The following AAK1 variants were observed in gnomAD, a reference collection of about 807,000 sequenced individuals.
AAK1 encodes the protein AP2 associated kinase 1.
Under a neutral mutation model 116.0 loss-of-function variants are expected in AAK1, and 37 were observed. The observed-to-expected ratio is 0.32, with a 90% CI of 0.25 to 0.42. The LOEUF (loss-of-function observed/expected upper bound fraction) is 0.42, where lower values mean the gene tolerates loss of function less well. AAK1 is among the 10% of genes least tolerant of loss of function. The pLI is 1.00. For missense variants in AAK1, 919 were observed against 1,170.6 expected, an observed-to-expected ratio of 0.79 and a Z score of 3.14; for synonymous variants, 458 against 439.9, an observed-to-expected ratio of 1.04 and a Z score of -0.51.
intron 17 of AAK1, among the ~76,000 whole-genome samples, chr2:69,493,438 G>A (rs1483710535): frequency 6.6e-6 from 1 of 152,064 alleles, no homozygotes; most frequent in Non-Finnish European, 1.5e-5. Flanking sequence ...GGACTGGCTG[G>A]GAGTTGGCAG....
chr2:69,630,348 G>GA (rs1399257321), intron 2 of AAK1, among the ~76,000 whole-genome samples: 1 of 132,022 alleles, frequency 7.6e-6, no homozygotes, highest in African/African-American at 2.7e-5. Flanking sequence ...GGTGGGGGGG[G>GA]AGGGGGAGGG....
intron 2 of AAK1, among the ~76,000 whole-genome samples, chr2:69,632,659 G>C (rs1001871796): frequency 6.6e-6 from 1 of 152,214 alleles, no homozygotes; most frequent in African/African-American, 2.4e-5. Context: ...AACACTTTGG[G>C]AGACCAAGGC....
At chr2:69,632,631 G>A (rs555592422) in intron 2 of AAK1, among the ~76,000 whole-genome samples, 94 of 152,314 alleles carry the variant, frequency 6.2e-4, no homozygotes, top group African/African-American at 2.2e-3. Flanking sequence ...AGGCGCGATG[G>A]CTCACGCCTG....
chr2:69,520,799 G>C, intron 11 of AAK1, 35 bp downstream of exon 11: 1 of 1,522,816 alleles, frequency 6.6e-7, no homozygotes, highest in Non-Finnish European at 8.8e-7. Flanking sequence ...ATAACAAAGA[G>C]GTGTATTGAG....
chr2:69,509,239 A>C lies in AAK1; in HGVS notation c.1998T>G (p.Asn666Lys). The C allele has an allele frequency of 1.9e-6, 3 of 1,614,002 alleles. No individual in the cohort carries two copies. The highest frequency in any genetic ancestry group is 2.5e-6 in the Non-Finnish European group (3 of 1,179,856). ...GAGGAAGCACCACATACTTGGACTT[A>C]TTGAGACTGGCCTCAGCTGCAGCTG... is the stretch of plus-strand genomic sequence containing the variant. ...LQAAAAEASL[N>K]KSKSATTTPS... is the part of the protein sequence containing the mutation. Residue 666 changes from asparagine (N) to lysine (K), a missense_variant, in exon 14 of 22, where the codon AAT becomes AAG. Physicochemically the swap from Asn to Lys is moderately conservative, Grantham distance 94. Transcript: ENST00000409085.
In AAK1 at chr2:69,475,317, A is replaced by C. The variant is rs1674812363; in HGVS notation, c.*552T>G. ...TCTTCTCAAATATATACTACCAGTC[A>C]GTAAGTTTTACCCTTTCTTAAACCA... is the stretch of plus-strand genomic sequence containing the variant. On this transcript the variant is annotated 3_prime_UTR_variant, in exon 22 of 22. Coordinates refer to ENST00000409085, the MANE Select transcript of AAK1 (RefSeq NM_014911.5). The C allele has an allele frequency of 1.0e-6, 1 of 986,054 alleles. No individual in the cohort carries two copies. Among genetic ancestry groups the C allele is most frequent in the Admixed American group, 6.1e-5 (1 of 16,312 alleles). The allele number at this position is 986,054 out of a possible 1,614,324, so 61.1% of individuals were successfully genotyped here. A position where few individuals can be genotyped will look rare whatever the true frequency, so the allele number is the denominator to read the frequency against.
In AAK1 at chr2:69,475,739, T is replaced by C; in HGVS notation, c.*130A>G. ...CATTTCTACAGGAGAAGGCAAGGGG[T>C]AGGAGAAAAGGGCTGGAGGGCCCCT... is the stretch of plus-strand genomic sequence containing the variant. On this transcript the variant is annotated 3_prime_UTR_variant, in exon 22 of 22. Transcript: ENST00000409085. 1 of 1,439,844 alleles carries C rather than the reference T, an allele frequency of 6.9e-7. No individual in the cohort carries two copies. The highest frequency in any genetic ancestry group is 2.5e-5 in the Admixed American group (1 of 40,810). 89.2% of individuals were successfully genotyped at this position (1,439,844 alleles called of 1,614,324 possible).
chr2:69,535,367 A>G (rs1670419828), intron 5 of AAK1, among the ~76,000 whole-genome samples: 1 of 151,702 alleles, frequency 6.6e-6, no homozygotes, highest in African/African-American at 2.4e-5. Flanking sequence ...ATTAAAAACT[A>G]AAAAACAAAA....
At chr2:69,602,446 T>C (rs1457207265) in intron 2 of AAK1, among the ~76,000 whole-genome samples, 3 of 152,118 alleles carry the variant, frequency 2.0e-5, no homozygotes, top group African/African-American at 7.2e-5. Context: ...TAAAGGGATA[T>C]TATATATTAT....
intron 2 of AAK1, among the ~76,000 whole-genome samples, chr2:69,576,286 A>C (rs1672311118): frequency 6.6e-6 from 1 of 152,354 alleles, no homozygotes; most frequent in Non-Finnish European, 1.5e-5. Flanking sequence ...AGTCTTTAAC[A>C]GAATACTATT....
chr2:69,569,643 A>G (rs181857418), intron 2 of AAK1, among the ~76,000 whole-genome samples: 216 of 152,178 alleles, frequency 1.4e-3, no homozygotes, highest in South Asian at 5.2e-3. Flanking sequence ...TTTCCAGACA[A>G]TCCCACCCAA....
intron 2 of AAK1, among the ~76,000 whole-genome samples, chr2:69,560,546 C>G (rs1027004494): frequency 1.4e-4 from 22 of 152,088 alleles, no homozygotes; most frequent in Admixed American, 1.3e-4. Flanking sequence ...TCTATTGAAT[C>G]ATAAAGATAA....
intron 3 of AAK1, among the ~76,000 whole-genome samples, chr2:69,554,199 G>C (rs1671300424): frequency 6.6e-6 from 1 of 152,080 alleles, no homozygotes; most frequent in Admixed American, 6.6e-5. Context: ...TCCAAGATTC[G>C]ACTGTAAATT....
intron 3 of AAK1, among the ~76,000 whole-genome samples, chr2:69,552,817 G>T (rs552066855): frequency 6.6e-6 from 1 of 151,966 alleles, no homozygotes; most frequent in South Asian, 2.1e-4. Flanking sequence ...AGATTTCTTA[G>T]GTTTGACACC....
At chr2:69,485,922 G>A (rs1019390151) in intron 17 of AAK1, among the ~76,000 whole-genome samples, 4 of 151,584 alleles carry the variant, frequency 2.6e-5, no homozygotes, top group African/African-American at 7.3e-5. Flanking sequence ...GCCTCCCAAA[G>A]TGCTGGGATT....
chr2:69,562,663 G>A (rs188490391), intron 2 of AAK1, among the ~76,000 whole-genome samples: 29 of 152,156 alleles, frequency 1.9e-4, no homozygotes, highest in African/African-American at 4.8e-4. Flanking sequence ...AGGTCGAGGC[G>A]GGCAGATCAC....
chr2:69,558,289 A>G (rs1002878377), intron 2 of AAK1, among the ~76,000 whole-genome samples: 1 of 151,280 alleles, frequency 6.6e-6, no homozygotes, highest in African/African-American at 2.4e-5. Context: ...GGTTGCAGTG[A>G]GCTGTGACTG....
chr2:69,458,947 G>A lies in AAK1; in HGVS notation c.*16922C>T, dbSNP rs1674276499. ...ATAGTTCCATTATAATGCAATGCAG[G>A]TAACACTAACTTGATTTCAAGAACA... is the stretch of plus-strand genomic sequence containing the variant. On this transcript the variant is annotated 3_prime_UTR_variant, in exon 22 of 22. Transcript: ENST00000409085. 6.6e-6 allele frequency: 1 copy of A among 152,262 alleles called. No homozygotes were observed. The highest frequency in any genetic ancestry group is 2.1e-4 in the South Asian group (1 of 4,820). 9.4% of individuals were successfully genotyped at this position (152,262 alleles called of 1,614,324 possible).
chr2:69,489,434 G>A (rs933277846), intron 17 of AAK1, among the ~76,000 whole-genome samples: 4 of 144,162 alleles, frequency 2.8e-5, no homozygotes, highest in Admixed American at 7.0e-5. Flanking sequence ...CTGGGCGACA[G>A]AGCGAGACTC....
Sources: allele counts gnomAD v4.1 joint callset (sites outside exome capture counted in the v4.1 genomes callset), GRCh38; gene constraint gnomAD v4.1.1; transcripts MANE v1.5; gene names NCBI Gene and HGNC (gene_info 2026-07-23, HGNC 2026-07-21).